Variants in ATRX observed in about 807,000 individuals in gnomAD.
The protein encoded by ATRX is chromatin remodeler ATRX.
A neutral mutation model predicts 172.6 loss-of-function variants in ATRX; 12 were observed. The ratio of observed to expected loss-of-function variants is 0.07; its 90% CI spans 0.04 to 0.11. The LOEUF (loss-of-function observed/expected upper bound fraction) is 0.11, where lower values mean the gene tolerates loss of function less well. Ranked by LOEUF, ATRX falls within the 10% of genes least tolerant of loss-of-function variation. The pLI, the probability that ATRX is intolerant of heterozygous loss-of-function variation, is 1.00. For missense variants in ATRX, 1,368 were observed against 1,767.4 expected (o/e 0.77, Z 4.05); for synonymous variants, 674 against 594.7 (o/e 1.13, Z -1.94).
Position 77,505,878 on chromosome X carries a change from G to A in ATRX, c.*2473C>T, listed in dbSNP as rs1460860691. The A allele has an allele frequency of 5.9e-6, 1 of 168,500 alleles. No individual in the cohort carries two copies. Among genetic ancestry groups the A allele is most frequent in the Admixed American group, 8.1e-5 (1 of 12,406 alleles). 13.9% of individuals were successfully genotyped at this position (168,500 alleles called of 1,213,427 possible). A position where few individuals can be genotyped will look rare whatever the true frequency, so the allele number is the denominator to read the frequency against. On this transcript the variant is annotated 3_prime_UTR_variant, in exon 35 of 35. Coordinates refer to ENST00000373344, the MANE Select transcript of ATRX (RefSeq NM_000489.6). ...ATATTACAAAACAGCCTTAAAGGAA[G>A]AAGTGACATCTTTTCTACAGTACTT...
chrX:77,688,218 C>T lies in ATRX; in HGVS notation c.594+600G>A, dbSNP rs1453534273. ...CATCCCAAAGTGCTAGGATTACAAG[C>T]ATGAGCCACCATGCCAGGCCCACAT... On this transcript the variant is annotated intron_variant, in intron 7 of 34. Coordinates refer to ENST00000373344, the MANE Select transcript of ATRX (RefSeq NM_000489.6). Among the ~76,000 whole-genome samples, 4 of 111,519 alleles carry T rather than the reference C, an allele frequency of 3.6e-5. No homozygotes were observed. In the Admixed American group the frequency reaches 3.8e-4, roughly 11 times the overall value.
intron 12 of ATRX, among the ~76,000 whole-genome samples, chrX:77,659,379 T>A (rs2069732093): frequency 9.0e-6 from 1 of 110,567 alleles, no homozygotes; most frequent in Admixed American, 9.7e-5. Flanking sequence ...TTTTGAAATC[T>A]ACCAAAAATT....
chrX:77,665,300 C>G (rs1260986853), intron 10 of ATRX, among the ~76,000 whole-genome samples: 1 of 112,347 alleles, frequency 8.9e-6, no homozygotes, highest in Admixed American at 9.5e-5. Context: ...ACCTTAATTT[C>G]AATGTACTAC....
intron 6 of ATRX, among the ~76,000 whole-genome samples, chrX:77,692,806 T>C (rs2071966173): frequency 9.1e-6 from 1 of 110,248 alleles, no homozygotes; most frequent in Non-Finnish European, 1.9e-5. Context: ...AAATGAATCC[T>C]TCTGATGCAA....
At chrX:77,698,088 T>G (rs2072286620) in intron 3 of ATRX, among the ~76,000 whole-genome samples, 1 of 111,923 alleles carries the variant, frequency 8.9e-6, no homozygotes. Flanking sequence ...TTTGAGATAC[T>G]AAACTTACCC....
intron 14 of ATRX, among the ~76,000 whole-genome samples, chrX:77,653,401 T>C (rs1381812908): frequency 8.9e-6 from 1 of 112,066 alleles, no homozygotes; most frequent in Admixed American, 9.4e-5. Flanking sequence ...TGCTAAAACA[T>C]GGATGAACCT....
intron 10 of ATRX, among the ~76,000 whole-genome samples, chrX:77,668,930 C>G (rs932100283): frequency 1.8e-5 from 2 of 110,415 alleles, no homozygotes; most frequent in Admixed American, 1.9e-4. Flanking sequence ...CTTGTTTAAA[C>G]GCTCAAACAG....
chrX:77,619,120 A>C (rs185461617), intron 20 of ATRX, 139 bp from the exon 21 acceptor site: 2 of 458,802 alleles, frequency 4.4e-6, no homozygotes, highest in African/African-American at 4.9e-5. Flanking sequence ...CTAAGTATAG[A>C]ATAAACATGG....
rs2071219546 is a variant in ATRX at position 77,681,853 on chromosome X, T to G, written c.3403A>C (p.Arg1135=). The change falls in exon 9 of 35, where the codon AGG becomes CGG. Residue 1135 remains arginine, a synonymous_variant. Coordinates refer to ENST00000373344, the MANE Select transcript of ATRX (RefSeq NM_000489.6). ...SDKRLKRIEL[R]ERRNLSSKRN... is the part of the protein sequence containing the mutation. Reference sequence around the variant, plus strand: ...TTTGAACTTAAATTTCTTCTTTCCCTCAATTCTATTCTTTTCAGTCTCTTA... The same window carrying G: ...TTTGAACTTAAATTTCTTCTTTCCCGCAATTCTATTCTTTTCAGTCTCTTA... 8.3e-7 allele frequency: 1 copy of G among 1,200,266 alleles called. No individual in the cohort carries two copies. The highest frequency in any genetic ancestry group is 2.2e-5 in the Admixed American group (1 of 44,460).
chrX:77,526,055 A>G (rs2063370403), intron 30 of ATRX, among the ~76,000 whole-genome samples: 1 of 111,719 alleles, frequency 9.0e-6, no homozygotes, highest in Admixed American at 9.5e-5. Flanking sequence ...CTGTGTCATC[A>G]TAGAATTAGT....
At chrX:77,641,953 G>T (rs2068677379) in intron 15 of ATRX, among the ~76,000 whole-genome samples, 1 of 112,230 alleles carries the variant, frequency 8.9e-6, no homozygotes, top group Admixed American at 9.4e-5. Context: ...TGTAATCCAA[G>T]ATCTTTGGGA....
intron 30 of ATRX, among the ~76,000 whole-genome samples, chrX:77,527,830 C>T (rs1362766556): frequency 9.0e-6 from 1 of 111,696 alleles, no homozygotes; most frequent in Non-Finnish European, 1.9e-5. Flanking sequence ...GCCATCTCTG[C>T]AATTCAGGGG....
intron 2 of ATRX, 24 bp from the exon 3 acceptor site, chrX:77,698,653 ATTAT>A (rs782586669): frequency 1.8e-6 from 2 of 1,133,084 alleles, no homozygotes; most frequent in South Asian, 3.6e-5. Context: ...AATAAAGAAC[ATTAT>A]TTATCTCTTC....
intron 6 of ATRX, among the ~76,000 whole-genome samples, chrX:77,692,791 T>C (rs2071965111): frequency 9.0e-6 from 1 of 111,295 alleles, no homozygotes; most frequent in East Asian, 2.8e-4. Context: ...TCCACTATTA[T>C]TTCTAAATGA....
chrX:77,747,306 C>G (rs782188625), intron 1 of ATRX, among the ~76,000 whole-genome samples: 42 of 110,369 alleles, frequency 3.8e-4, no homozygotes, highest in African/African-American at 1.2e-3. Flanking sequence ...GGCAGATCAC[C>G]TAAGGTCAGG....
At position 77,517,127 on chromosome X, in the gene ATRX, G is replaced by GA. The variant is rs1193293470; in HGVS notation, c.7200+3660dup. On this transcript the variant is annotated intron_variant, in intron 34 of 34. Coordinates refer to ENST00000373344, the MANE Select transcript of ATRX (RefSeq NM_000489.6). The stretch of plus-strand genomic sequence containing the variant: ...AGCTCTAAGTGCGTGCATCAGAAAA[G>GA]AAAAAAAAAACAAACACCTACCAAT... Among the ~76,000 whole-genome samples the GA allele has an allele frequency of 1.4e-3, 135 of 93,813 alleles. 1 individual carries two copies. The South Asian group carries it at 0.023, about 16-fold the overall frequency. 81.5% of individuals were successfully genotyped at this position (93,813 alleles called of 115,157 possible). A position where few individuals can be genotyped will look rare whatever the true frequency, so the allele number is the denominator to read the frequency against.
At chrX:77,626,038 T>TGC (rs1557102710) in intron 19 of ATRX, among the ~76,000 whole-genome samples, 4 of 7,423 alleles carry the variant, frequency 5.4e-4, no homozygotes, top group African/African-American at 2.4e-3. Flanking sequence ...CATATATATA[T>TGC]ATATATATAT....
intron 19 of ATRX, among the ~76,000 whole-genome samples, chrX:77,625,828 G>A (rs782113102): frequency 4.1e-4 from 45 of 108,553 alleles, no homozygotes; most frequent in African/African-American, 1.4e-3. Flanking sequence ...AAAACAGTGT[G>A]GAGATTCCTT....
chrX:77,522,814 CAT>C (rs1390201602), intron 31 of ATRX, among the ~76,000 whole-genome samples: 1 of 111,827 alleles, frequency 8.9e-6, no homozygotes, highest in African/African-American at 3.2e-5. Flanking sequence ...GAGCAAATGG[CAT>C]TAATGTCTAA....
Sources: gnomAD v4.1 joint callset for allele counts (sites outside exome capture counted in the v4.1 genomes callset) on GRCh38, gnomAD v4.1.1 for gene constraint, MANE v1.5 for transcripts, NCBI Gene and HGNC (gene_info 2026-07-23, HGNC 2026-07-21) for gene names.